SMIM35: variants seen among roughly 807,000 people sequenced by gnomAD.
SMIM35 encodes TMPRSS4 antisense RNA 1 (non-protein coding).
At chr11:118,068,387 C>A (rs1944517714) in intron 1 of SMIM35, among the ~76,000 whole-genome samples, 1 of 152,164 alleles carries the variant, frequency 6.6e-6, no homozygotes, top group Admixed American at 6.5e-5. Flanking sequence ...AGGATGACAG[C>A]ACGATCTCTG....
At chr11:118,046,362 G>A (rs1944097327) in intron 1 of SMIM35, among the ~76,000 whole-genome samples, 1 of 152,148 alleles carries the variant, frequency 6.6e-6, no homozygotes, top group Non-Finnish European at 1.5e-5. Context: ...ATGGATGTGT[G>A]ATCTCCTACC....
At chr11:118,020,559 T>TCA (rs1201788908) in intron 1 of SMIM35, among the ~76,000 whole-genome samples, 2 of 152,214 alleles carry the variant, frequency 1.3e-5, no homozygotes. Context: ...TTATAGACTG[T>TCA]CATATGTTTT....
At position 118,015,029 on chromosome 11, in the gene SMIM35, T is replaced by A. The variant is rs145613204; in HGVS notation, c.125-288A>T. Among the ~76,000 whole-genome samples the A allele has an allele frequency of 3.4e-3, 518 of 152,326 alleles. 3 individuals carry two copies. The highest frequency in any genetic ancestry group is 0.017 in the Middle Eastern group (5 of 294). ...CCACGACTTTAGCCTCATGTCTCCA[T>A]CTATAAAAATGAAGGCTATAATAAT... On this transcript the variant is annotated intron_variant, in intron 2 of 4. Transcript: ENST00000689828.
intron 1 of SMIM35, among the ~76,000 whole-genome samples, chr11:118,054,156 A>ATTTTT (rs1345936190): frequency 1.8e-5 from 2 of 108,232 alleles, no homozygotes; most frequent in African/African-American, 3.5e-5. Context: ...GGTTTTTGGG[A>ATTTTT]TTTTTTTGTT....
chr11:118,072,814 G>A (rs1475497635), intron 1 of SMIM35, among the ~76,000 whole-genome samples: 1 of 152,342 alleles, frequency 6.6e-6, no homozygotes, highest in African/African-American at 2.4e-5. Context: ...GGTAGGCCTA[G>A]CATGAGCTCC....
rs551051265 is a variant in SMIM35, at chr11:118,019,532, G to T, written c.8-3723C>A. Among the ~76,000 whole-genome samples, 4 of 152,230 alleles carry T rather than the reference G, an allele frequency of 2.6e-5. No individual in the cohort carries two copies. The East Asian group carries it at 7.7e-4, about 29-fold the overall frequency. On this transcript the variant is annotated intron_variant, in intron 1 of 4. Transcript: ENST00000689828. Reference sequence around the variant, plus strand: ...CAAGGACTCTCAGAGATCTGCAAAGGGGTCCCCCAAAGTCTTTGGCTGTGG... The same window carrying T: ...CAAGGACTCTCAGAGATCTGCAAAGTGGTCCCCCAAAGTCTTTGGCTGTGG...
chr11:118,016,833 G>T (rs60478015), intron 1 of SMIM35, among the ~76,000 whole-genome samples: 1 of 152,110 alleles, frequency 6.6e-6, no homozygotes, highest in Non-Finnish European at 1.5e-5. Context: ...TACACTAAAT[G>T]CTCAATAGAT....
At chr11:118,079,955 C>T (rs1944997281) in intron 1 of SMIM35, among the ~76,000 whole-genome samples, 1 of 152,200 alleles carries the variant, frequency 6.6e-6, no homozygotes, top group African/African-American at 2.4e-5. Flanking sequence ...TGCCTGCTCT[C>T]CTGGATCCTT....
In SMIM35 at chr11:118,075,317, G is replaced by A. The variant is rs184141473; in HGVS notation, c.7+11434C>T. On this transcript the variant is annotated intron_variant, in intron 1 of 4. Transcript: ENST00000689828. ...GCTGTGCTGGCTCCAGAGCCCTGCAGGCCAGCTTCAGATCTCTGCTGCTCA... is the reference window on the plus strand; with the variant it reads ...GCTGTGCTGGCTCCAGAGCCCTGCAAGCCAGCTTCAGATCTCTGCTGCTCA... Among the ~76,000 whole-genome samples the A allele has an allele frequency of 4.3e-4, 65 of 152,338 alleles. 1 individual carries two copies. In the South Asian group the frequency reaches 9.1e-3, roughly 21 times the overall value.
intron 1 of SMIM35, among the ~76,000 whole-genome samples, chr11:118,051,193 C>T (rs1005873675): frequency 6.6e-6 from 1 of 152,164 alleles, no homozygotes; most frequent in Non-Finnish European, 1.5e-5. Context: ...TTTGTACAGA[C>T]GATGCTATGC....
intron 1 of SMIM35, among the ~76,000 whole-genome samples, chr11:118,024,782 A>C (rs2058260406): frequency 2.0e-5 from 3 of 152,064 alleles, no homozygotes; most frequent in Admixed American, 6.6e-5. Flanking sequence ...CTCAACTTTT[A>C]TTTTAGATTC....
chr11:118,022,426 G>A (rs1420703696), intron 1 of SMIM35, among the ~76,000 whole-genome samples: 1 of 152,054 alleles, frequency 6.6e-6, no homozygotes, highest in Non-Finnish European at 1.5e-5. Context: ...CCTGACCACA[G>A]AATTATATTG....
At chr11:118,012,419 C>T (rs1044989812) in intron 4 of SMIM35, among the ~76,000 whole-genome samples, 2 of 152,204 alleles carry the variant, frequency 1.3e-5, no homozygotes, top group Non-Finnish European at 2.9e-5. Flanking sequence ...TTCCCTGGTG[C>T]ATTATCTGGT....
At chr11:118,074,171 A>C (rs1565399587) in intron 1 of SMIM35, among the ~76,000 whole-genome samples, 1 of 152,236 alleles carries the variant, frequency 6.6e-6, no homozygotes, top group Non-Finnish European at 1.5e-5. Context: ...GCCCTTTCCC[A>C]GGGCCCTGGA....
At chr11:118,052,917 C>A (rs1456160942) in intron 1 of SMIM35, among the ~76,000 whole-genome samples, 1 of 152,282 alleles carries the variant, frequency 6.6e-6, no homozygotes, top group East Asian at 1.9e-4. Flanking sequence ...ACAAATACCC[C>A]ACAGGGGACT....
chr11:118,043,694 C>A (rs1003047725), intron 1 of SMIM35, among the ~76,000 whole-genome samples: 1 of 151,536 alleles, frequency 6.6e-6, no homozygotes, highest in South Asian at 2.1e-4. Flanking sequence ...CCTGTAGTCC[C>A]AGCTACTCGG....
intron 1 of SMIM35, among the ~76,000 whole-genome samples, chr11:118,048,624 G>A (rs1565391367): frequency 1.3e-5 from 2 of 149,920 alleles, no homozygotes; most frequent in African/African-American, 2.5e-5. Context: ...CAAGGAAGGA[G>A]AGAGAGAGAG....
chr11:118,028,936 A>G (rs747563247), intron 1 of SMIM35: 4 of 420,050 alleles, frequency 9.5e-6, no homozygotes, highest in East Asian at 7.2e-5. Context: ...AATAAGAGGA[A>G]GAGGAGGAGG....
chr11:118,074,446 C>A (rs3758991), intron 1 of SMIM35, among the ~76,000 whole-genome samples: 1 of 151,972 alleles, frequency 6.6e-6, no homozygotes, highest in African/African-American at 2.4e-5. Context: ...AGGCTTCCTC[C>A]GGGAGAATGG....
Sources: allele counts gnomAD v4.1 joint callset (sites outside exome capture counted in the v4.1 genomes callset), GRCh38; gene constraint gnomAD v4.1.1; transcripts MANE v1.5; gene names NCBI Gene and HGNC (gene_info 2026-07-23, HGNC 2026-07-21).